Variants in SDK1 observed in about 807,000 individuals in gnomAD.
The protein encoded by SDK1 is protein sidekick-1.
A neutral mutation model predicts 245.5 loss-of-function variants in SDK1; 157 were observed. That is an observed-to-expected ratio of 0.64 (90% CI 0.56 to 0.73). SDK1 has a LOEUF of 0.73. Among genes scored for constraint, SDK1 ranks in the 30% least tolerant of loss-of-function variants. The probability of loss-of-function intolerance (pLI) is 0.00; values close to 1 mark genes in which losing one functional copy is unlikely to be tolerated. For synonymous variants in SDK1, 1,647 were observed against 1,278.5 expected, an observed-to-expected ratio of 1.29 and a Z score of -6.15; for missense variants, 3,583 against 3,002.3, an observed-to-expected ratio of 1.19 and a Z score of -4.52.
intron 4 of SDK1, among the ~76,000 whole-genome samples, chr7:3,661,097 G>T (rs548863054): frequency 1.3e-5 from 2 of 152,116 alleles, no homozygotes; most frequent in Non-Finnish European, 2.9e-5. Context: ...ATCCGTTATT[G>T]CCTACTCCAG....
chr7:4,101,704 G>A (rs1236054601), intron 22 of SDK1, among the ~76,000 whole-genome samples: 3 of 152,160 alleles, frequency 2.0e-5, no homozygotes, highest in African/African-American at 7.2e-5. Context: ...CGGTTCTGGG[G>A]TGAGGCTGTC....
chr7:3,797,181 A>G (rs943350016), intron 4 of SDK1, among the ~76,000 whole-genome samples: 2 of 151,502 alleles, frequency 1.3e-5, no homozygotes, highest in Non-Finnish European at 2.9e-5. Flanking sequence ...TAATTTTTAA[A>G]TTTTCGTAGA....
intron 1 of SDK1, among the ~76,000 whole-genome samples, chr7:3,438,877 A>C (rs1467201646): frequency 1.7e-5 from 2 of 118,618 alleles, no homozygotes; most frequent in African/African-American, 4.0e-5. Context: ...TTTGAGATGG[A>C]GTTTCACTCT....
At chr7:3,391,634 G>T (rs1384121375) in intron 1 of SDK1, among the ~76,000 whole-genome samples, 1 of 127,896 alleles carries the variant, frequency 7.8e-6, no homozygotes, top group Non-Finnish European at 1.6e-5. Flanking sequence ...CCTGTTAACT[G>T]ATTTTTTTTT....
At chr7:3,307,608 C>G (rs1398462003) in intron 1 of SDK1, among the ~76,000 whole-genome samples, 1 of 152,170 alleles carries the variant, frequency 6.6e-6, no homozygotes, top group Non-Finnish European at 1.5e-5. Context: ...CAGAAAGCTC[C>G]AAAGCCAGAA....
At chr7:4,069,970 G>A (rs956597051) in intron 20 of SDK1, among the ~76,000 whole-genome samples, 2 of 152,138 alleles carry the variant, frequency 1.3e-5, no homozygotes, top group African/African-American at 4.8e-5. Flanking sequence ...ACCATGCTCT[G>A]AACCCCACAG....
At chr7:4,171,133 G>T (rs1347015520) in intron 32 of SDK1, among the ~76,000 whole-genome samples, 1 of 152,208 alleles carries the variant, frequency 6.6e-6, no homozygotes, top group Non-Finnish European at 1.5e-5. Context: ...CGGTGAAGGG[G>T]TGCCTGCTGG....
intron 1 of SDK1, among the ~76,000 whole-genome samples, chr7:3,319,484 CT>C (rs976217434): frequency 5.3e-5 from 8 of 152,304 alleles, no homozygotes; most frequent in Middle Eastern, 3.4e-3. Context: ...GCTGGCTTAC[CT>C]TTTAGAAGTT....
chr7:4,071,842 C>G (rs2128174825), intron 20 of SDK1, among the ~76,000 whole-genome samples: 1 of 152,300 alleles, frequency 6.6e-6, no homozygotes, highest in Non-Finnish European at 1.5e-5. Flanking sequence ...CCTTTCAGGT[C>G]TGCAGTCGGC....
At chr7:4,052,601 A>T (rs1425703649) in intron 19 of SDK1, among the ~76,000 whole-genome samples, 2 of 152,188 alleles carry the variant, frequency 1.3e-5, no homozygotes, top group Non-Finnish European at 2.9e-5. Context: ...AAACTATGAG[A>T]TCCAAATTTT....
At chr7:3,888,838 C>T (rs182352514) in intron 5 of SDK1, among the ~76,000 whole-genome samples, 61 of 152,208 alleles carry the variant, frequency 4.0e-4, no homozygotes, top group African/African-American at 1.3e-3. Flanking sequence ...GACTCATTCT[C>T]GTATTCTATA....
chr7:4,169,901 C>G (rs1314176595), intron 32 of SDK1, among the ~76,000 whole-genome samples: 1 of 152,012 alleles, frequency 6.6e-6, no homozygotes, highest in African/African-American at 2.4e-5. Context: ...GCGCTGTATT[C>G]TTTAGGGTCA....
rs148546358 is a variant in SDK1, at chr7:3,453,116, C to T, written c.298+151232C>T. Among the ~76,000 whole-genome samples, 723 of 152,214 alleles carry T rather than the reference C, an allele frequency of 4.7e-3. 5 individuals are homozygous for T. Among genetic ancestry groups the T allele is most frequent in the Non-Finnish European group, 7.1e-3 (482 of 68,010 alleles). On this transcript the variant is annotated intron_variant, in intron 1 of 44. Coordinates refer to ENST00000404826, the MANE Select transcript of SDK1 (RefSeq NM_152744.4). ...CCCATCCTGCCACTGGTGTCTAGAA[C>T]TTTGAGCAGTTTAACCCCCCCCGGT...
At chr7:3,854,900 C>T (rs1383044795) in intron 5 of SDK1, among the ~76,000 whole-genome samples, 3 of 152,068 alleles carry the variant, frequency 2.0e-5, no homozygotes, top group Non-Finnish European at 2.9e-5. Flanking sequence ...AAAGATGGGA[C>T]GAACACTAGA....
chr7:3,575,483 TTTTA>T (rs1230452889), intron 1 of SDK1, among the ~76,000 whole-genome samples: 1 of 152,028 alleles, frequency 6.6e-6, no homozygotes, highest in East Asian at 1.9e-4. Flanking sequence ...AATTTGATGT[TTTTA>T]TTTAAGCTAA....
At chr7:4,046,121 T>C (rs1383039675) in intron 17 of SDK1, among the ~76,000 whole-genome samples, 1 of 151,938 alleles carries the variant, frequency 6.6e-6, no homozygotes, top group Non-Finnish European at 1.5e-5. Flanking sequence ...TTGTAATTCT[T>C]TGTAGCGGTG....
intron 25 of SDK1, among the ~76,000 whole-genome samples, chr7:4,124,479 A>G (rs1442736807): frequency 6.6e-6 from 1 of 152,130 alleles, no homozygotes; most frequent in African/African-American, 2.4e-5. Context: ...GTCTGTGGAC[A>G]AATTCCTTTT....
intron 30 of SDK1, among the ~76,000 whole-genome samples, chr7:4,152,362 G>A (rs1289981796): frequency 6.6e-6 from 1 of 152,208 alleles, no homozygotes; most frequent in Non-Finnish European, 1.5e-5. Flanking sequence ...CGAGGGTCAG[G>A]GGAGTATGGC....
intron 1 of SDK1, among the ~76,000 whole-genome samples, chr7:3,542,710 C>T (rs559565635): frequency 2.6e-5 from 4 of 152,220 alleles, no homozygotes; most frequent in Admixed American, 6.5e-5. Flanking sequence ...CTCTTTAAAC[C>T]TCTCTTAGAA....
Sources: allele counts gnomAD v4.1 joint callset (sites outside exome capture counted in the v4.1 genomes callset), GRCh38; gene constraint gnomAD v4.1.1; transcripts MANE v1.5; gene names NCBI Gene and HGNC (gene_info 2026-07-23, HGNC 2026-07-21).